The following ADCY5 variants were observed in gnomAD, a reference collection of about 807,000 sequenced individuals.
The protein encoded by ADCY5 is adenylate cyclase type 5.
In ADCY5, 30 loss-of-function variants were observed where a neutral mutation model predicts 119.7. The ratio of observed to expected loss-of-function variants is 0.25; its 90% confidence interval spans 0.19 to 0.34. The LOEUF is 0.34. ADCY5 is among the 10% of genes least tolerant of loss of function. The pLI, the probability that ADCY5 is intolerant of heterozygous loss-of-function variation, is 1.00. For missense variants in ADCY5, 1,324 were observed against 1,775.2 expected (o/e 0.75, Z 4.57); for synonymous variants, 753 against 762.2 (o/e 0.99, Z 0.20).
At chr3:123,434,809 G>A (rs141850459) in intron 1 of ADCY5, among the ~76,000 whole-genome samples, 218 of 152,004 alleles carry the variant, frequency 1.4e-3, no homozygotes, top group African/African-American at 4.8e-3. Flanking sequence ...TCCCTTCCTC[G>A]CTCCATTACC....
rs535158380 is a variant in ADCY5, at chr3:123,286,315, A to G, written c.3657+370T>C. 6.6e-5 allele frequency among the ~76,000 whole-genome samples: 10 copies of G among 152,252 alleles called. No individual in the cohort carries two copies. In the East Asian group the frequency reaches 1.7e-3, roughly 26 times the overall value. ...CCAGGCCAGGAGTGCTGCAGGCTCA[A>G]TGGGTAAGACCTGCTCCCTGCAGAC... On this transcript the variant is annotated intron_variant, in intron 20 of 20. Transcript: ENST00000462833. This position sits in a 1 kb window ranked among gnomAD's most constrained non-coding sequence, Gnocchi z 4.2.
chr3:123,399,809 G>A (rs754180560), intron 1 of ADCY5, among the ~76,000 whole-genome samples: 86 of 152,104 alleles, frequency 5.7e-4, no homozygotes, highest in Non-Finnish European at 1.1e-3. Context: ...CATTTCATTT[G>A]TACTGCTTAC....
At chr3:123,377,088 G>A (rs1336490869) in intron 1 of ADCY5, among the ~76,000 whole-genome samples, 1 of 152,180 alleles carries the variant, frequency 6.6e-6, no homozygotes, top group Non-Finnish European at 1.5e-5. Context: ...CAGCTGACAA[G>A]CGCACAGCAG....
intron 5 of ADCY5, among the ~76,000 whole-genome samples, chr3:123,330,630 C>T (rs1676542271): frequency 6.6e-6 from 1 of 152,356 alleles, no homozygotes; most frequent in South Asian, 2.1e-4. Context: ...CTCCTCCACT[C>T]CTGGAGTCTG....
intron 1 of ADCY5, among the ~76,000 whole-genome samples, chr3:123,381,922 G>A (rs1223564081): frequency 6.6e-6 from 1 of 152,172 alleles, no homozygotes; most frequent in Non-Finnish European, 1.5e-5. Flanking sequence ...CTTAAACCCT[G>A]CAATAGCTCC....
At chr3:123,426,319 T>TTA (rs1945412298) in intron 1 of ADCY5, among the ~76,000 whole-genome samples, 1 of 48,352 alleles carries the variant, frequency 2.1e-5, no homozygotes, top group African/African-American at 5.6e-5. Flanking sequence ...TGTTTGTTTT[T>TTA]GTTTGTTTGT....
At chr3:123,325,084 G>C (rs1037858130) in intron 8 of ADCY5, among the ~76,000 whole-genome samples, 8 of 152,252 alleles carry the variant, frequency 5.3e-5, no homozygotes, top group Admixed American at 1.3e-4. Context: ...GGAGGAAGGG[G>C]TGCTGCCAGT....
intron 1 of ADCY5, among the ~76,000 whole-genome samples, chr3:123,419,489 C>T (rs1276582984): frequency 1.3e-5 from 2 of 152,080 alleles, no homozygotes; most frequent in Admixed American, 6.6e-5. Flanking sequence ...GCTCCCTGTC[C>T]AACCGACCGT....
intron 3 of ADCY5, among the ~76,000 whole-genome samples, chr3:123,337,686 G>T (rs915180684): frequency 6.6e-6 from 1 of 152,144 alleles, no homozygotes; most frequent in Admixed American, 6.5e-5. Context: ...ATTGGATTAG[G>T]AGCCCATCCT....
chr3:123,300,866 TC>T (rs1359359008), intron 14 of ADCY5, among the ~76,000 whole-genome samples: 1 of 152,182 alleles, frequency 6.6e-6, no homozygotes, highest in Admixed American at 6.5e-5. Context: ...CTTTATCCTG[TC>T]CCCTGTGACA....
intron 14 of ADCY5, among the ~76,000 whole-genome samples, chr3:123,300,802 C>A (rs896563049): frequency 6.6e-6 from 1 of 152,228 alleles, no homozygotes; most frequent in African/African-American, 2.4e-5. Flanking sequence ...CACGCCTGAA[C>A]GGAGCTGCTC....
At chr3:123,431,544 T>G (rs367825511) in intron 1 of ADCY5, among the ~76,000 whole-genome samples, 1 of 152,188 alleles carries the variant, frequency 6.6e-6, no homozygotes, top group Non-Finnish European at 1.5e-5. Context: ...TTCAGGAATG[T>G]TGAGTGAGGT....
intron 20 of ADCY5, among the ~76,000 whole-genome samples, chr3:123,285,608 AC>A (rs1277099350): frequency 6.6e-6 from 1 of 152,018 alleles, no homozygotes; most frequent in African/African-American, 2.4e-5. Flanking sequence ...CTGAGAGGGG[AC>A]CCCACTGTGT....
At chr3:123,388,652 T>C (rs1944307099) in intron 1 of ADCY5, among the ~76,000 whole-genome samples, 1 of 151,660 alleles carries the variant, frequency 6.6e-6, no homozygotes, top group African/African-American at 2.4e-5. Context: ...AACAAATGCT[T>C]GAGGAGGAAA....
chr3:123,291,468 G>T, intron 17 of ADCY5, 92 bp from the exon 18 acceptor site: 2 of 1,491,484 alleles, frequency 1.3e-6, no homozygotes, highest in Non-Finnish European at 1.8e-6. Context: ...TGGAGAAAAA[G>T]CACCAGTCAC....
chr3:123,325,567 G>T, intron 7 of ADCY5, 105 bp from the exon 8 acceptor site: 1 of 1,443,562 alleles, frequency 6.9e-7, no homozygotes, highest in Non-Finnish European at 9.6e-7. Flanking sequence ...TAAGGCAGCT[G>T]CCCTTTCCTC....
Position 123,283,209 on chromosome 3 carries a change from C to T in ADCY5, c.*1399G>A, listed in dbSNP as rs1443786025. Reference sequence around the variant, plus strand: ...ACATCTCCAGGAAGAGCCACCTGCACCTTGGCCAACTGAGTAGGCCAGGGA... The same window carrying T: ...ACATCTCCAGGAAGAGCCACCTGCATCTTGGCCAACTGAGTAGGCCAGGGA... On this transcript the variant is annotated 3_prime_UTR_variant, in exon 21 of 21. Coordinates refer to ENST00000462833, the MANE Select transcript of ADCY5 (RefSeq NM_183357.3). 1 of 152,234 alleles carries T rather than the reference C, an allele frequency of 6.6e-6. No individual in the cohort carries two copies. Among genetic ancestry groups the T allele is most frequent in the Admixed American group, 6.5e-5 (1 of 15,282 alleles). 9.4% of individuals were successfully genotyped at this position (152,234 alleles called of 1,614,324 possible).
intron 1 of ADCY5, among the ~76,000 whole-genome samples, chr3:123,358,222 G>A (rs1173546067): frequency 3.3e-5 from 5 of 149,906 alleles, no homozygotes; most frequent in East Asian, 2.0e-4. Flanking sequence ...GGCGGAGCAC[G>A]TGACATATAC....
At chr3:123,325,509 A>C in intron 7 of ADCY5, 47 bp from the exon 8 acceptor site, 1 of 1,610,646 alleles carries the variant, frequency 6.2e-7, no homozygotes, top group Non-Finnish European at 8.5e-7. Context: ...GTCCAAGCGG[A>C]GGGCTCCTCA....
Sources: allele counts gnomAD v4.1 joint callset (sites outside exome capture counted in the v4.1 genomes callset), GRCh38; gene constraint gnomAD v4.1.1; non-coding constraint Gnocchi (gnomAD v3.1); transcripts MANE v1.5; gene names NCBI Gene and HGNC (gene_info 2026-07-23, HGNC 2026-07-21).